PKP4: variants seen among roughly 807,000 people sequenced by gnomAD.
PKP4 encodes plakophilin 4.
In PKP4, 90 loss-of-function variants were observed where a neutral mutation model predicts 145.1. The ratio of observed to expected loss-of-function variants is 0.62; its 90% confidence interval spans 0.52 to 0.74. The LOEUF (loss-of-function observed/expected upper bound fraction) is 0.74. Ranked by LOEUF, PKP4 falls within the 30% of genes least tolerant of loss-of-function variation. PKP4 has a pLI of 0.00. For missense variants in PKP4, 1,340 were observed against 1,482.7 expected, an observed-to-expected ratio of 0.90 and a Z score of 1.58; for synonymous variants, 563 against 577.2, an observed-to-expected ratio of 0.98 and a Z score of 0.35.
chr2:158,595,869 C>T, intron 3 of PKP4, among the ~76,000 whole-genome samples: 1 of 152,162 alleles, frequency 6.6e-6, no homozygotes, highest in Non-Finnish European at 1.5e-5. Flanking sequence ...ATGGGAAATA[C>T]AGAGTGACAG....
intron 2 of PKP4, among the ~76,000 whole-genome samples, chr2:158,559,392 C>T (rs1187649261): frequency 6.6e-6 from 1 of 151,944 alleles, no homozygotes; most frequent in East Asian, 1.9e-4. Context: ...AACACACATG[C>T]CTGAGGGAGG....
chr2:158,515,422 T>C (rs1322658236), intron 1 of PKP4, among the ~76,000 whole-genome samples: 1 of 151,896 alleles, frequency 6.6e-6, no homozygotes, highest in Non-Finnish European at 1.5e-5. Context: ...GGAGTTTGAG[T>C]CCAGCCTTGG....
chr2:158,663,534 C>G (rs2056805421), intron 15 of PKP4, 89 bp downstream of exon 15: 2 of 1,168,080 alleles, frequency 1.7e-6, no homozygotes, highest in East Asian at 4.8e-5. Flanking sequence ...TCAGTCAGAT[C>G]AGCCCTGATG....
chr2:158,597,578 A>G (rs369717997), intron 3 of PKP4, among the ~76,000 whole-genome samples: 4 of 152,180 alleles, frequency 2.6e-5, no homozygotes, highest in Admixed American at 2.6e-4. Context: ...TGGAAGGATG[A>G]TTGTTGGTCA....
intron 4 of PKP4, among the ~76,000 whole-genome samples, chr2:158,617,430 T>C (rs1028538990): frequency 5.3e-5 from 8 of 152,204 alleles, no homozygotes; most frequent in African/African-American, 1.7e-4. Context: ...TGATTTCTTA[T>C]GCTAATTGTG....
rs1375980531 is a variant in PKP4, at chr2:158,663,984, A to G, written c.2577+539A>G. 1.3e-5 allele frequency among the ~76,000 whole-genome samples: 2 copies of G among 152,200 alleles called. 1 individual carries two copies. Among genetic ancestry groups the G allele is most frequent in the Middle Eastern group, 6.3e-3 (2 of 316 alleles). ...GACTACTGGCTGCCCACTGGGGCCCACCATGGAGCCAGGCATCATGGATAG... is the reference window on the plus strand; with the variant it reads ...GACTACTGGCTGCCCACTGGGGCCCGCCATGGAGCCAGGCATCATGGATAG... On this transcript the variant is annotated intron_variant, in intron 15 of 21. Coordinates refer to ENST00000389759, the MANE Select transcript of PKP4 (RefSeq NM_003628.6).
intron 11 of PKP4, among the ~76,000 whole-genome samples, chr2:158,644,966 T>A (rs1177827832): frequency 1.3e-5 from 2 of 152,240 alleles, no homozygotes; most frequent in African/African-American, 4.8e-5. Flanking sequence ...CCCCCAGGTT[T>A]CCACTGTGAA....
At chr2:158,516,977 TA>T (rs1192210304) in intron 1 of PKP4, among the ~76,000 whole-genome samples, 1 of 152,192 alleles carries the variant, frequency 6.6e-6, no homozygotes, top group Non-Finnish European at 1.5e-5. Context: ...TCTTATTTTT[TA>T]ATAGACCTTA....
At position 158,649,992 on chromosome 2, in the gene PKP4, G is replaced by A. The variant is rs922642228; in HGVS notation, c.1909+7293G>A. The stretch of plus-strand genomic sequence containing the variant: ...GCAAGTGTGTTCCTGGAACATGTAG[G>A]TCAGCTGTGGAGTATATGACTTCAG... On this transcript the variant is annotated intron_variant, in intron 11 of 21. Coordinates refer to ENST00000389759, the MANE Select transcript of PKP4 (RefSeq NM_003628.6). Among the ~76,000 whole-genome samples the A allele has an allele frequency of 2.6e-5, 4 of 152,344 alleles. No homozygotes were observed. In the South Asian group the frequency reaches 6.2e-4, roughly 24 times the overall value.
intron 1 of PKP4, among the ~76,000 whole-genome samples, chr2:158,487,884 G>A (rs897769290): frequency 3.9e-5 from 6 of 151,998 alleles, no homozygotes; most frequent in African/African-American, 1.5e-4. Flanking sequence ...GCTCTTTGGG[G>A]AATAAATATA....
intron 6 of PKP4, 47 bp downstream of exon 6, chr2:158,621,468 G>C (rs557470610): frequency 1.8e-5 from 27 of 1,508,714 alleles, no homozygotes; most frequent in Non-Finnish European, 2.4e-5. Flanking sequence ...CCTTCCGGCC[G>C]GGCACAGTGG....
rs181029868 is a variant in PKP4 at position 158,639,178 on chromosome 2, A to G, written c.1563-1449A>G. 2.0e-5 allele frequency among the ~76,000 whole-genome samples: 3 copies of G among 152,390 alleles called. No homozygotes were observed. In the East Asian group the frequency reaches 5.8e-4, roughly 29 times the overall value. On this transcript the variant is annotated intron_variant, in intron 9 of 21. Coordinates refer to ENST00000389759, the MANE Select transcript of PKP4 (RefSeq NM_003628.6). ...ACAAAGCCTGATATAAGTAAACTCA[A>G]TAAAGGATAACTCCTGTTATTGGTA...
At chr2:158,457,593 C>T in intron 1 of PKP4, 1 of 152,898 alleles carries the variant, frequency 6.5e-6, no homozygotes, top group Non-Finnish European at 1.5e-5. Flanking sequence ...GCCCTCGCGG[C>T]GGCTTCCCCG....
At chr2:158,633,258 A>G in intron 8 of PKP4, among the ~76,000 whole-genome samples, 1 of 152,248 alleles carries the variant, frequency 6.6e-6, no homozygotes, top group East Asian at 1.9e-4. Flanking sequence ...TTCATGTGAT[A>G]AAGTTTAATT....
intron 1 of PKP4, among the ~76,000 whole-genome samples, chr2:158,496,747 G>A (rs376238832): frequency 2.2e-5 from 3 of 137,290 alleles, no homozygotes; most frequent in South Asian, 2.3e-4. Context: ...ACTCTCTCTC[G>A]CCTTCTCTCT....
At chr2:158,600,418 A>G (rs1021427834) in intron 3 of PKP4, among the ~76,000 whole-genome samples, 1 of 152,190 alleles carries the variant, frequency 6.6e-6, no homozygotes, top group African/African-American at 2.4e-5. Flanking sequence ...GTGCCTACAG[A>G]CACATTGTAG....
chr2:158,631,540 C>T (rs1305635239), intron 7 of PKP4, among the ~76,000 whole-genome samples: 1 of 151,938 alleles, frequency 6.6e-6, no homozygotes, highest in East Asian at 1.9e-4. Context: ...TACACCACCA[C>T]ACCCAACTAA....
chr2:158,484,082 C>G (rs1406726637), intron 1 of PKP4, among the ~76,000 whole-genome samples: 1 of 148,190 alleles, frequency 6.7e-6, no homozygotes, highest in Non-Finnish European at 1.5e-5. Flanking sequence ...TCGCCCAGGC[C>G]GGACTGCGGA....
intron 4 of PKP4, among the ~76,000 whole-genome samples, chr2:158,609,512 T>G (rs1329114965): frequency 2.0e-5 from 3 of 152,214 alleles, no homozygotes. Flanking sequence ...TCAGACACTT[T>G]CTCTACCTTT....
Sources: allele counts gnomAD v4.1 joint callset (sites outside exome capture counted in the v4.1 genomes callset), GRCh38; gene constraint gnomAD v4.1.1; transcripts MANE v1.5; gene names NCBI Gene and HGNC (gene_info 2026-07-23, HGNC 2026-07-21).